The following COMMD1 variants were observed in gnomAD, a reference collection of about 807,000 sequenced individuals.
The protein encoded by COMMD1 is copper metabolism domain containing 1, also known as COMM domain-containing protein 1.
In COMMD1, 10 loss-of-function variants were observed where a neutral mutation model predicts 17.2. The ratio of observed to expected loss-of-function variants is 0.58; its 90% CI spans 0.36 to 0.99. COMMD1 has a LOEUF of 0.99. Among genes scored for constraint, COMMD1 ranks in the 50% least tolerant of loss-of-function variants. COMMD1 has a pLI of 0.01. For synonymous variants in COMMD1, 97 were observed against 91.6 expected, an observed-to-expected ratio of 1.06 and a Z score of -0.34; for missense variants, 270 against 231.8, an observed-to-expected ratio of 1.17 and a Z score of -1.07.
At chr2:61,892,890 C>T (rs890663598) in intron 1 of COMMD1, among the ~76,000 whole-genome samples, 4 of 151,614 alleles carry the variant, frequency 2.6e-5, no homozygotes, top group Admixed American at 6.6e-5. Flanking sequence ...CCCCCTGAAA[C>T]GGAGTCTCGC....
intron 1 of COMMD1, among the ~76,000 whole-genome samples, chr2:62,000,030 C>G (rs1243662645): frequency 6.7e-6 from 1 of 148,668 alleles, no homozygotes; most frequent in Non-Finnish European, 1.5e-5. Context: ...TCAAGCGATT[C>G]TCCTGCCTCA....
chr2:62,033,201 T>C (rs1442121359), intron 2 of COMMD1, among the ~76,000 whole-genome samples: 1 of 152,228 alleles, frequency 6.6e-6, no homozygotes, highest in Non-Finnish European at 1.5e-5. Context: ...AAGAAATTAA[T>C]TTTACCAGAC....
chr2:62,021,242 A>G (rs1449358502), intron 2 of COMMD1, among the ~76,000 whole-genome samples: 1 of 152,118 alleles, frequency 6.6e-6, no homozygotes, highest in Non-Finnish European at 1.5e-5. Context: ...TGCGTGTGAG[A>G]GACTGGGAAT....
chr2:61,921,545 C>T (rs375841918), intron 1 of COMMD1, among the ~76,000 whole-genome samples: 1 of 152,066 alleles, frequency 6.6e-6, no homozygotes, highest in Non-Finnish European at 1.5e-5. Context: ...CCTGGTTCAT[C>T]CCATTCTCCT....
intron 1 of COMMD1, among the ~76,000 whole-genome samples, chr2:61,978,273 C>T (rs1172401863): frequency 5.9e-5 from 9 of 152,086 alleles, no homozygotes; most frequent in Admixed American, 5.2e-4. Flanking sequence ...TATGTTTTAC[C>T]TACCAAAGAG....
intron 2 of COMMD1, among the ~76,000 whole-genome samples, chr2:62,095,136 T>C (rs1573179266): frequency 6.6e-6 from 1 of 152,338 alleles, no homozygotes; most frequent in East Asian, 1.9e-4. Flanking sequence ...TGAAGACACC[T>C]GCATTGGAAT....
At chr2:62,044,870 C>T (rs569168721) in intron 2 of COMMD1, among the ~76,000 whole-genome samples, 7 of 151,128 alleles carry the variant, frequency 4.6e-5, no homozygotes, top group African/African-American at 1.7e-4. Flanking sequence ...CTGTTTTCTT[C>T]CTGAATAAAC....
intron 1 of COMMD1, among the ~76,000 whole-genome samples, chr2:61,964,683 C>T (rs542727823): frequency 5.3e-5 from 8 of 149,910 alleles, no homozygotes; most frequent in African/African-American, 1.5e-4. Flanking sequence ...AAATACACCC[C>T]GGTCTTATAT....
At chr2:61,981,339 T>C (rs1003288697) in intron 1 of COMMD1, among the ~76,000 whole-genome samples, 1 of 152,240 alleles carries the variant, frequency 6.6e-6, no homozygotes, top group African/African-American at 2.4e-5. Flanking sequence ...TGGCGAGAGA[T>C]AGGGGTCTAG....
chr2:62,081,356 A>G (rs757718847), intron 2 of COMMD1, among the ~76,000 whole-genome samples: 1 of 151,820 alleles, frequency 6.6e-6, no homozygotes, highest in African/African-American at 2.4e-5. Flanking sequence ...GGTTCAAGCA[A>G]TTCTCCTGCC....
At chr2:62,096,192 C>T (rs777536220) in intron 2 of COMMD1, among the ~76,000 whole-genome samples, 5 of 151,922 alleles carry the variant, frequency 3.3e-5, no homozygotes, top group Admixed American at 1.3e-4. Flanking sequence ...AATGCTGCAC[C>T]GCTGCCTAGC....
chr2:62,025,141 AC>A (rs1358663422), intron 2 of COMMD1, among the ~76,000 whole-genome samples: 3 of 151,758 alleles, frequency 2.0e-5, no homozygotes, highest in African/African-American at 7.3e-5. Flanking sequence ...AATCGCTTCA[AC>A]CCGGGAGGTG....
At chr2:62,125,719 G>A (rs550229430) in intron 2 of COMMD1, among the ~76,000 whole-genome samples, 1 of 152,098 alleles carries the variant, frequency 6.6e-6, no homozygotes, top group Non-Finnish European at 1.5e-5. Context: ...ATAGCAACAA[G>A]GCCATGTTTC....
At chr2:62,065,338 CTTTTTTTTTTTTTT>C (rs57243558) in intron 2 of COMMD1, among the ~76,000 whole-genome samples, 7 of 44,378 alleles carry the variant, frequency 1.6e-4, no homozygotes, top group African/African-American at 3.7e-4. Context: ...TATGTACTTA[CTTTTTTTTTTTTTT>C]TTTTTTTTTT....
intron 1 of COMMD1, among the ~76,000 whole-genome samples, chr2:61,996,389 G>A (rs374288418): frequency 6.6e-6 from 1 of 151,658 alleles, no homozygotes; most frequent in East Asian, 1.9e-4. Context: ...CTTGATGTCA[G>A]TGGCTGCTTA....
At chr2:61,916,127 A>T (rs1374097713) in intron 1 of COMMD1, among the ~76,000 whole-genome samples, 1 of 150,660 alleles carries the variant, frequency 6.6e-6, no homozygotes. Flanking sequence ...TCCTGGCTAA[A>T]TTTTTTGTAT....
chr2:62,121,320 A>G (rs1197054111), intron 2 of COMMD1, among the ~76,000 whole-genome samples: 1 of 142,080 alleles, frequency 7.0e-6, no homozygotes, highest in Admixed American at 7.7e-5. Context: ...TAGTCAGCCA[A>G]GATCATGCCA....
chr2:62,008,852 C>T (rs1441729762), intron 2 of COMMD1, among the ~76,000 whole-genome samples: 1 of 152,164 alleles, frequency 6.6e-6, no homozygotes, highest in Admixed American at 6.6e-5. Context: ...ATGCTCTTGG[C>T]TCACTGCAAC....
chr2:62,055,727 G>C (rs1670678273), intron 2 of COMMD1, among the ~76,000 whole-genome samples: 2 of 152,216 alleles, frequency 1.3e-5, no homozygotes, highest in Non-Finnish European at 2.9e-5. Flanking sequence ...GGTAAGAGTT[G>C]ATCCTAAGGA....
Sources: gnomAD v4.1 joint callset for allele counts (sites outside exome capture counted in the v4.1 genomes callset) on GRCh38, gnomAD v4.1.1 for gene constraint, MANE v1.5 for transcripts, NCBI Gene and HGNC (gene_info 2026-07-23, HGNC 2026-07-21) for gene names.